ATP8B1: variants seen among roughly 807,000 people sequenced by gnomAD.
ATP8B1 encodes phospholipid-transporting ATPase IC.
A neutral mutation model predicts 149.9 loss-of-function variants in ATP8B1; 80 were observed. The observed-to-expected ratio is 0.53, with a 90% CI of 0.45 to 0.64. ATP8B1 has a LOEUF of 0.64. ATP8B1 is among the 30% of genes least tolerant of loss of function. The probability of loss-of-function intolerance (pLI) is 0.00; values close to 1 mark genes in which losing one functional copy is unlikely to be tolerated. For missense variants in ATP8B1, 1,247 were observed against 1,552.6 expected, an observed-to-expected ratio of 0.80 and a Z score of 3.31; for synonymous variants, 536 against 562.8, an observed-to-expected ratio of 0.95 and a Z score of 0.67.
intron 23 of ATP8B1, among the ~76,000 whole-genome samples, 176 bp downstream of exon 23, chr18:57,655,018 T>C (rs1909896116): frequency 6.6e-6 from 1 of 152,200 alleles, no homozygotes; most frequent in Admixed American, 6.5e-5. Flanking sequence ...AAAATGTTTT[T>C]ACAGCACCAG....
intron 1 of ATP8B1, among the ~76,000 whole-genome samples, chr18:57,745,499 T>C (rs1416409625): frequency 6.6e-6 from 1 of 152,120 alleles, no homozygotes; most frequent in African/African-American, 2.4e-5. Context: ...CTTGAACTCC[T>C]GACCTCAGGC....
At position 57,688,255 on chromosome 18, in the gene ATP8B1, G is replaced by T. The variant is rs771643245; in HGVS notation, c.1429+44C>A. On this transcript the variant is annotated intron_variant, in intron 13 of 27. Transcript: ENST00000648908. ...TCCAAGTAATGACCTGCACACGGCA[G>T]GCAGCCCCACTCACCCAGAAAATGA... The T allele has an allele frequency of 1.3e-4, 200 of 1,585,472 alleles. 2 individuals carry two copies. The highest frequency in any genetic ancestry group is 2.3e-5 in the Non-Finnish European group (27 of 1,155,258).
intron 15 of ATP8B1, among the ~76,000 whole-genome samples, chr18:57,676,076 A>G (rs1197562813): frequency 6.6e-6 from 1 of 152,216 alleles, no homozygotes; most frequent in East Asian, 1.9e-4. Context: ...ATAATTTTAA[A>G]ACTCATTGGT....
chr18:57,787,276 A>G (rs1380815972), intron 1 of ATP8B1, among the ~76,000 whole-genome samples: 1 of 152,210 alleles, frequency 6.6e-6, no homozygotes, highest in African/African-American at 2.4e-5. Flanking sequence ...AATTAAAGCC[A>G]CTTTATGCTT....
chr18:57,717,799 G>C (rs185463465), intron 2 of ATP8B1, among the ~76,000 whole-genome samples: 1 of 150,970 alleles, frequency 6.6e-6, no homozygotes, highest in African/African-American at 2.4e-5. Flanking sequence ...GCAGTGGTGC[G>C]ATCTTGGCTC....
chr18:57,714,742 G>C (rs1381738604), intron 2 of ATP8B1, among the ~76,000 whole-genome samples: 3 of 152,140 alleles, frequency 2.0e-5, no homozygotes, highest in Admixed American at 6.6e-5. Context: ...TATTGAGCTT[G>C]GGATGCCCCC....
intron 3 of ATP8B1, among the ~76,000 whole-genome samples, 158 bp downstream of exon 3, chr18:57,706,332 A>G (rs933708775): frequency 6.6e-6 from 1 of 152,226 alleles, no homozygotes; most frequent in Non-Finnish European, 1.5e-5. Flanking sequence ...AAAGGTAAAC[A>G]TCAATAAAAA....
intron 1 of ATP8B1, among the ~76,000 whole-genome samples, chr18:57,790,652 A>T (rs971347438): frequency 6.6e-6 from 1 of 151,824 alleles, no homozygotes; most frequent in Admixed American, 6.6e-5. Context: ...AAGAGACCCC[A>T]CTCCCTGGGC....
chr18:57,648,886 G>GTGTGTGTA (rs1402508778), intron 27 of ATP8B1, among the ~76,000 whole-genome samples, 174 bp from the exon 28 acceptor site: 1 of 148,646 alleles, frequency 6.7e-6, no homozygotes, highest in Non-Finnish European at 1.5e-5. Flanking sequence ...GTGTGTGTGT[G>GTGTGTGTA]TATGTGTGTC....
intron 2 of ATP8B1, among the ~76,000 whole-genome samples, chr18:57,718,657 A>G (rs1214397084): frequency 6.6e-6 from 1 of 152,234 alleles, no homozygotes; most frequent in Non-Finnish European, 1.5e-5. Flanking sequence ...ACAACACATT[A>G]AAAAGATCAT....
chr18:57,683,699 C>CA (rs1788379918), intron 15 of ATP8B1, among the ~76,000 whole-genome samples: 1 of 152,192 alleles, frequency 6.6e-6, no homozygotes. Flanking sequence ...TTTTCACTCT[C>CA]AGTCAATGCT....
At chr18:57,761,025 CAT>C in intron 1 of ATP8B1, among the ~76,000 whole-genome samples, 1 of 97,552 alleles carries the variant, frequency 1.0e-5, no homozygotes, top group South Asian at 3.6e-4. Context: ...CATAAAATAA[CAT>C]AAAATAAAAT....
chr18:57,752,055 A>C (rs1444362374), intron 1 of ATP8B1, among the ~76,000 whole-genome samples: 1 of 151,734 alleles, frequency 6.6e-6, no homozygotes, highest in African/African-American at 2.4e-5. Context: ...AAAAATACAA[A>C]AATTAGCTGG....
rs1204866421 is a variant in ATP8B1 at position 57,672,815 on chromosome 18, G to A, written c.1820-1235C>T. ...AGGGAGGTAGAGGTTGCAGTGAGCC[G>A]AGATAGCACCATTGCACTTCAGCCT... On this transcript the variant is annotated intron_variant, in intron 16 of 27. Coordinates refer to ENST00000648908, the MANE Select transcript of ATP8B1 (RefSeq NM_001374385.1). Among the ~76,000 whole-genome samples the A allele has an allele frequency of 2.9e-5, 4 of 137,056 alleles. No homozygotes were observed. In the South Asian group the frequency reaches 6.8e-4, roughly 23 times the overall value. The allele number at this position is 137,056 out of a possible 152,430, so 89.9% of individuals were successfully genotyped here. A position where few individuals can be genotyped will look rare whatever the true frequency, so the allele number is the denominator to read the frequency against.
intron 22 of ATP8B1, 44 bp downstream of exon 22, chr18:57,661,130 T>C: frequency 6.2e-7 from 1 of 1,607,878 alleles, no homozygotes; most frequent in South Asian, 1.1e-5. Context: ...CCATTTCTCC[T>C]CTCTAGCACG....
chr18:57,705,441 A>G (rs1313671949), intron 3 of ATP8B1, among the ~76,000 whole-genome samples: 1 of 152,242 alleles, frequency 6.6e-6, no homozygotes, highest in Non-Finnish European at 1.5e-5. Flanking sequence ...CTTATTTGGA[A>G]ATAGGATCTT....
chr18:57,648,778 C>A, intron 27 of ATP8B1, 66 bp from the exon 28 acceptor site: 2 of 1,493,822 alleles, frequency 1.3e-6, no homozygotes, highest in Non-Finnish European at 9.1e-7. Context: ...CCTGGCCAGA[C>A]GGTTGACAGA....
chr18:57,764,635 T>G (rs1372067086), intron 1 of ATP8B1, among the ~76,000 whole-genome samples: 1 of 151,566 alleles, frequency 6.6e-6, no homozygotes, highest in African/African-American at 2.4e-5. Flanking sequence ...GGCAGGCTGG[T>G]CTCAAACTCC....
chr18:57,723,852 C>G lies in ATP8B1; in HGVS notation c.181+7775G>C, dbSNP rs375497944. Reference sequence around the variant, plus strand: ...TCACACTACCTGACTTCAAACTATACTACAAGGCTACAGTAACCAAAACAG... The same window carrying G: ...TCACACTACCTGACTTCAAACTATAGTACAAGGCTACAGTAACCAAAACAG... On this transcript the variant is annotated intron_variant, in intron 2 of 27. Coordinates refer to ENST00000648908, the MANE Select transcript of ATP8B1 (RefSeq NM_001374385.1). Among the ~76,000 whole-genome samples, 798 of 149,250 alleles carry G rather than the reference C, an allele frequency of 5.3e-3. 6 individuals carry two copies. Among genetic ancestry groups the G allele is most frequent in the Non-Finnish European group, 6.7e-3 (450 of 67,108 alleles).
Sources: allele counts gnomAD v4.1 joint callset (sites outside exome capture counted in the v4.1 genomes callset), GRCh38; gene constraint gnomAD v4.1.1; transcripts MANE v1.5; gene names NCBI Gene and HGNC (gene_info 2026-07-23, HGNC 2026-07-21).